The following NAT1 variants were observed in gnomAD, a reference collection of about 807,000 sequenced individuals.
NAT1 encodes the protein arylamine N-acetyltransferase 1.
For missense variants in NAT1, 400 were observed against 339.2 expected (o/e 1.18, Z -1.41); for synonymous variants, 144 against 122.6 (o/e 1.17, Z -1.16).
intron 2 of NAT1, among the ~76,000 whole-genome samples, chr8:18,194,635 C>T (rs747382247): frequency 1.3e-5 from 2 of 151,862 alleles, no homozygotes; most frequent in South Asian, 4.1e-4. Flanking sequence ...GCCTGGCCAA[C>T]ATGGTAAAAC....
chr8:18,171,194 G>C (rs1158307498), intron 2 of NAT1, among the ~76,000 whole-genome samples: 1 of 152,176 alleles, frequency 6.6e-6, no homozygotes, highest in Non-Finnish European at 1.5e-5. Context: ...TAGATAGGTA[G>C]AGTTAGCCTT....
upstream of NAT1, among the ~76,000 whole-genome samples, chr8:18,208,873 C>G (rs138746813): frequency 6.6e-6 from 1 of 152,200 alleles, no homozygotes; most frequent in Non-Finnish European, 1.5e-5. Context: ...ACTTCACAAC[C>G]ACCTAACTAA....
chr8:18,202,733 G>C (rs1275318207), intron 2 of NAT1, among the ~76,000 whole-genome samples: 2 of 152,302 alleles, frequency 1.3e-5, no homozygotes, highest in African/African-American at 2.4e-5. Flanking sequence ...CTGGCGGTGA[G>C]TGTTACAGCT....
At chr8:18,221,726 G>T in intron 2 of NAT1, 1 of 237,304 alleles carries the variant, frequency 4.2e-6, no homozygotes, top group Non-Finnish European at 8.2e-6. Flanking sequence ...TATTTTAAAG[G>T]ATACCAGTTG....
chr8:18,221,924 AATT>A (rs1344510348), intron 2 of NAT1, 115 bp from the exon 3 acceptor site: 3 of 1,104,334 alleles, frequency 2.7e-6, no homozygotes, highest in Middle Eastern at 3.1e-4. Flanking sequence ...CACTAGAAAT[AATT>A]ATTATACTTA....
Position 18,222,666 on chromosome 8 carries a change from A to G in NAT1, c.619A>G (p.Thr207Ala). 6.2e-7 allele frequency: 1 copy of G among 1,613,904 alleles called. No individual in the cohort carries two copies. The highest frequency in any genetic ancestry group is 8.5e-7 in the Non-Finnish European group (1 of 1,179,954). ...AATTGAAGATTTTGAGTCTATGAAT[A>G]CATACCTGCAGACATCTCCATCATC... ...RTIEDFESMN[T>A]YLQTSPSSVF... Residue 207 changes from threonine to alanine, a missense_variant, in exon 3 of 3, where the codon ACA (threonine) becomes GCA (alanine). Coordinates refer to ENST00000307719, the MANE Select transcript of NAT1 (RefSeq NM_000662.8).
chr8:18,205,850 C>T (rs568539322), upstream of NAT1, among the ~76,000 whole-genome samples: 24 of 152,226 alleles, frequency 1.6e-4, 1 homozygote, highest in East Asian at 3.1e-3. Context: ...CAGGTGTGGC[C>T]AGGCTGGGGC....
At position 18,222,923 on chromosome 8, in the gene NAT1, T is replaced by C. The variant is rs1805502806; in HGVS notation, c.*3T>C. 1 of 1,538,564 alleles carries C rather than the reference T, an allele frequency of 6.5e-7. No individual in the cohort carries two copies. Among genetic ancestry groups the C allele is most frequent in the African/African-American group, 1.4e-5 (1 of 72,258 alleles). ...GTGATAGATTTTTTACTATTTAGAA[T>C]AAGGAGTAAAACAATCTTGTCTATT... is the stretch of plus-strand genomic sequence containing the variant. On this transcript the variant is annotated 3_prime_UTR_variant, in exon 3 of 3. Transcript: ENST00000307719.
chr8:18,191,061 CAA>C (rs71217304), intron 2 of NAT1, among the ~76,000 whole-genome samples: 7 of 144,730 alleles, frequency 4.8e-5, no homozygotes, highest in South Asian at 2.2e-4. Context: ...CAAGACTGTC[CAA>C]AAAAAAAAGA....
intron 2 of NAT1, among the ~76,000 whole-genome samples, chr8:18,176,830 T>C (rs1563160487): frequency 6.6e-6 from 1 of 152,010 alleles, no homozygotes; most frequent in Non-Finnish European, 1.5e-5. Context: ...GTTTAACAAT[T>C]CTAATTTTTT....
At chr8:18,195,979 C>A (rs984023457) in intron 2 of NAT1, among the ~76,000 whole-genome samples, 1 of 151,802 alleles carries the variant, frequency 6.6e-6, no homozygotes, top group African/African-American at 2.4e-5. Flanking sequence ...ATGTACGATG[C>A]ACTTTTATGG....
chr8:18,197,353 G>A (rs1004208761), intron 2 of NAT1, among the ~76,000 whole-genome samples: 2 of 152,170 alleles, frequency 1.3e-5, no homozygotes, highest in Non-Finnish European at 2.9e-5. Context: ...ACATCATACA[G>A]CCATCGGGGG....
chr8:18,173,278 T>G (rs1460421264), intron 2 of NAT1, among the ~76,000 whole-genome samples: 1 of 152,200 alleles, frequency 6.6e-6, no homozygotes, highest in Non-Finnish European at 1.5e-5. Context: ...ACTTGAACTT[T>G]AGAATCAGGG....
chr8:18,173,791 C>T (rs1026763189), intron 2 of NAT1, among the ~76,000 whole-genome samples: 1 of 152,100 alleles, frequency 6.6e-6, no homozygotes, highest in Non-Finnish European at 1.5e-5. Flanking sequence ...TTCCTTTTAA[C>T]AAGCAAATAT....
At chr8:18,199,288 T>C (rs1340305108) in intron 2 of NAT1, among the ~76,000 whole-genome samples, 1 of 138,582 alleles carries the variant, frequency 7.2e-6, no homozygotes, top group Non-Finnish European at 1.5e-5. Context: ...CACTCCAGCC[T>C]GGGCGACAAA....
At chr8:18,221,715 C>A in intron 2 of NAT1, 1 of 221,416 alleles carries the variant, frequency 4.5e-6, no homozygotes, top group Non-Finnish European at 8.9e-6. Context: ...GTTTATAAGC[C>A]TATTTTAAAG....
intron 2 of NAT1, among the ~76,000 whole-genome samples, chr8:18,204,163 TTCTCTC>T (rs111268683): frequency 4.7e-5 from 7 of 148,618 alleles, no homozygotes; most frequent in Non-Finnish European, 6.0e-5. Context: ...TTGGATGTCT[TTCTCTC>T]TCTCTCTCTC....
intron 2 of NAT1, among the ~76,000 whole-genome samples, chr8:18,191,209 A>T (rs997325423): frequency 1.3e-5 from 2 of 152,224 alleles, no homozygotes; most frequent in Admixed American, 6.5e-5. Context: ...TCAAGTGAGC[A>T]TTTCTGACCT....
chr8:18,218,760 A>G (rs1804961930), intron 1 of NAT1, among the ~76,000 whole-genome samples: 1 of 152,086 alleles, frequency 6.6e-6, no homozygotes, highest in African/African-American at 2.4e-5. Context: ...GCAGGTTTGC[A>G]TGACCCACTT....
Sources: gnomAD v4.1 joint callset for allele counts (sites outside exome capture counted in the v4.1 genomes callset) on GRCh38, gnomAD v4.1.1 for gene constraint, MANE v1.5 for transcripts, NCBI Gene and HGNC (gene_info 2026-07-23, HGNC 2026-07-21) for gene names.